The following CCNA1 variants were observed in gnomAD, a reference collection of about 807,000 sequenced individuals.
CCNA1 encodes the protein cyclin-A1.
Under a neutral mutation model 54.1 loss-of-function variants are expected in CCNA1, and 23 were observed. The ratio of observed to expected loss-of-function variants is 0.42; its 90% confidence interval spans 0.31 to 0.60. The LOEUF (loss-of-function observed/expected upper bound fraction) is 0.60. Ranked by LOEUF, CCNA1 falls within the 20% of genes least tolerant of loss-of-function variation. CCNA1 has a pLI of 0.14. For missense variants in CCNA1, 450 were observed against 556.7 expected (o/e 0.81, Z 1.93); for synonymous variants, 208 against 213.9 (o/e 0.97, Z 0.24).
At chr13:36,434,444 A>C (rs921696632) in intron 2 of CCNA1, among the ~76,000 whole-genome samples, 3 of 152,134 alleles carry the variant, frequency 2.0e-5, no homozygotes, top group South Asian at 2.1e-4. Flanking sequence ...GTTTTAACAA[A>C]TTTTAATTTG....
At chr13:36,432,877 C>T in intron 1 of CCNA1, 148 bp downstream of exon 1, 1 of 955,466 alleles carries the variant, frequency 1.0e-6, no homozygotes, top group Non-Finnish European at 1.6e-6. Context: ...TGTGCGGTCG[C>T]ACCTGCCCTT....
At chr13:36,440,374 T>C (rs2055861211) in intron 6 of CCNA1, among the ~76,000 whole-genome samples, 191 bp downstream of exon 6, 2 of 152,194 alleles carry the variant, frequency 1.3e-5, no homozygotes, top group Non-Finnish European at 2.9e-5. Flanking sequence ...CTATTGACTA[T>C]ATTTGGCAGG....
In CCNA1 at chr13:36,432,729, G is replaced by C. The variant is rs2055729764; in HGVS notation, c.108G>C (p.Gln36His). ...CGGGGCTCCCAGATTTCGTCTTCCA[G>C]GTAACGTGGGTTTAGTATCCCGACT... Residue 36 changes from glutamine to histidine, a missense_variant and splice_region_variant, in exon 1 of 9, where the codon CAG becomes CAC. By Grantham distance (24) the Gln-to-His change is conservative (BLOSUM62 0). Around this residue, in one of 6 missense-constraint regions of CCNA1, gnomAD observed 103 missense variants for 100.9 expected, o/e 1.02. Transcript: ENST00000255465. 6.3e-7 allele frequency: 1 copy of C among 1,590,360 alleles called. No individual in the cohort carries two copies. The highest frequency in any genetic ancestry group is 2.3e-5 in the East Asian group (1 of 44,432).
chr13:36,433,398 CTTTCTTTCTTTCTT>C (rs2055747834), intron 2 of CCNA1, among the ~76,000 whole-genome samples, 177 bp downstream of exon 2: 1 of 99,118 alleles, frequency 1.0e-5, no homozygotes. Flanking sequence ...TTCTTTCTTT[CTTTCTTTCTTTCTT>C]TCTTTCTTTC....
Position 36,432,707 on chromosome 13 carries a change from G to T in CCNA1, c.86G>T (p.Gly29Val). Residue 29 changes from glycine to valine, a missense_variant, in exon 1 of 9, where the codon GGG becomes GTG. This residue lies in a region of CCNA1 where 103 missense variants were observed against 100.9 expected (regional missense o/e 1.02). Transcript: ENST00000255465. ...GAGTATCTCAGCTGGGAAGGACCGG[G>T]GCTCCCAGATTTCGTCTTCCAGGTA... 1.2e-6 allele frequency: 2 copies of T among 1,611,712 alleles called. No homozygotes were observed. The highest frequency in any genetic ancestry group is 1.7e-6 in the Non-Finnish European group (2 of 1,178,354).
intron 2 of CCNA1, 105 bp downstream of exon 2, chr13:36,433,326 A>G (rs1246139426): frequency 2.5e-5 from 16 of 641,092 alleles, no homozygotes; most frequent in Admixed American, 1.7e-4. Flanking sequence ...CCCCCTGAGT[A>G]TTACAACCCT....
upstream of CCNA1, chr13:36,432,404 CGCCCGGCCCGGCCCGGCCCTGCCCA>C (rs2055721652): frequency 3.7e-6 from 1 of 267,328 alleles, no homozygotes. Context: ...CGCCCTGCCC[CGCCCGGCCCGGCCCGGCCCTGCCCA>C]ACCCTGCCCC....
chr13:36,438,665 C>T lies in CCNA1; in HGVS notation c.691C>T (p.His231Tyr), dbSNP rs2055837584. ...TCAGATAAGGCACAGACCCAAAGCA[C>T]ACTACATGAAGAAGCAGCCAGACAT... Residue 231 changes from histidine to tyrosine, a missense_variant, in exon 5 of 9, where the codon CAC becomes TAC. Around this residue, in one of 6 missense-constraint regions of CCNA1, gnomAD observed 150 missense variants for 219.7 expected, o/e 0.68. Transcript: ENST00000255465. 1 of 1,613,832 alleles carries T rather than the reference C, an allele frequency of 6.2e-7. No homozygotes were observed. Among genetic ancestry groups the T allele is most frequent in the Admixed American group, 1.7e-5 (1 of 59,996 alleles).
At chr13:36,437,258 T>C (rs2055815916) in intron 2 of CCNA1, among the ~76,000 whole-genome samples, 1 of 152,248 alleles carries the variant, frequency 6.6e-6, no homozygotes, top group Non-Finnish European at 1.5e-5. Context: ...TGCTGACTAC[T>C]TATAAAATCT....
At chr13:36,433,726 A>G (rs1593320402) in intron 2 of CCNA1, among the ~76,000 whole-genome samples, 1 of 151,650 alleles carries the variant, frequency 6.6e-6, no homozygotes, top group African/African-American at 2.4e-5. Flanking sequence ...TTTTTAGTAG[A>G]GATGGGATTT....
At chr13:36,431,841 C>G (rs1046863704), upstream of CCNA1, 3 of 152,670 alleles carry the variant, frequency 2.0e-5, no homozygotes, top group Admixed American at 1.3e-4. Context: ...CCGCAGCCTG[C>G]GCAGCCCCGA....
In CCNA1 at chr13:36,437,907, G is replaced by C. The variant is rs947317; in HGVS notation, c.544+32G>C. ...GACTTGCCTATGGTTGATGGCTGAT[G>C]GTACCCTGTATTTATAACTGCCTGC... is the stretch of plus-strand genomic sequence containing the variant. On this transcript the variant is annotated intron_variant, in intron 3 of 8. Transcript: ENST00000255465. 2,266 of 1,601,974 alleles carry C rather than the reference G, an allele frequency of 1.4e-3. 35 individuals are homozygous for C. The African/African-American group carries it at 0.024, about 17-fold the overall frequency.
At position 36,437,702 on chromosome 13, in the gene CCNA1, A is replaced by T; in HGVS notation, c.371A>T (p.Asp124Val). ...CCAGCTGGAAAGAAAGCACTCCCTG[A>T]CTGTGGGGTCCAAGAGCCCCCCAAG... The change falls in exon 3 of 9, where the codon GAC becomes GTC. Residue 124 changes from aspartate (D) to valine (V), a missense_variant. Asp to Val is a radical substitution (Grantham distance 152). Transcript: ENST00000255465. 1 of 1,614,068 alleles carries T rather than the reference A, an allele frequency of 6.2e-7. No individual in the cohort carries two copies. Among genetic ancestry groups the T allele is most frequent in the Non-Finnish European group, 8.5e-7 (1 of 1,179,940 alleles).
chr13:36,440,996 C>T (rs535922980), intron 6 of CCNA1, 122 bp from the exon 7 acceptor site: 2 of 539,276 alleles, frequency 3.7e-6, no homozygotes, highest in Non-Finnish European at 6.6e-6. Context: ...TTTTGAGCAT[C>T]TATTTTTGTA....
At position 36,432,696 on chromosome 13, in the gene CCNA1, G is replaced by A. The variant is rs760514627; in HGVS notation, c.75G>A (p.Trp25Ter). ...GCTGGGGAGAAGAGTATCTCAGCTGGGAAGGACCGGGGCTCCCAGATTTCG... is the reference window on the plus strand; with the variant it reads ...GCTGGGGAGAAGAGTATCTCAGCTGAGAAGGACCGGGGCTCCCAGATTTCG... Residue 25 changes from tryptophan to a stop codon, truncating the protein, a stop_gained, in exon 1 of 9, where the codon TGG (tryptophan) becomes TGA (stop). It introduces an in-frame stop codon into an upstream open reading frame of the 5' UTR. Coordinates refer to ENST00000255465, the MANE Select transcript of CCNA1 (RefSeq NM_003914.4). LOFTEE classifies it high-confidence loss of function. 1 of 1,612,814 alleles carries A rather than the reference G, an allele frequency of 6.2e-7. No homozygotes were observed. The highest frequency in any genetic ancestry group is 8.5e-7 in the Non-Finnish European group (1 of 1,179,292).
rs147313432 is a variant in CCNA1, at chr13:36,433,370, T to C, written c.297+149T>C. ...GACTACAGGAAAGTTGATTGATTTA[T>C]TTTCTTTCTTTCTTTCTTTCTTTCT... On this transcript the variant is annotated intron_variant, in intron 2 of 8. Coordinates refer to ENST00000255465, the MANE Select transcript of CCNA1 (RefSeq NM_003914.4). The C allele has an allele frequency of 3.1e-4, 100 of 317,586 alleles. 2 individuals are homozygous for C. Among genetic ancestry groups the C allele is most frequent in the African/African-American group, 1.6e-3 (60 of 37,104 alleles). 19.7% of individuals were successfully genotyped at this position (317,586 alleles called of 1,614,324 possible). A position where few individuals can be genotyped will look rare whatever the true frequency, so the allele number is the denominator to read the frequency against.
At chr13:36,434,613 A>G (rs1264655800) in intron 2 of CCNA1, among the ~76,000 whole-genome samples, 3 of 152,042 alleles carry the variant, frequency 2.0e-5, no homozygotes, top group Admixed American at 2.0e-4. Flanking sequence ...ATCCTCTACA[A>G]CCTGCTTAGA....
chr13:36,433,307 C>T (rs1291898605), intron 2 of CCNA1, 86 bp downstream of exon 2: 1 of 912,492 alleles, frequency 1.1e-6, no homozygotes, highest in Non-Finnish European at 1.6e-6. Flanking sequence ...TGCCCTTGTA[C>T]CTACAACTCC....
upstream of CCNA1, chr13:36,432,255 C>T (rs998486389): frequency 9.2e-6 from 2 of 217,778 alleles, no homozygotes; most frequent in East Asian, 1.2e-4. Context: ...CCGGGGGCGC[C>T]GCTGATTGGC....
Sources: allele counts gnomAD v4.1 joint callset (sites outside exome capture counted in the v4.1 genomes callset), GRCh38; gene constraint gnomAD v4.1.1; regional missense constraint gnomAD v4.1.1; transcripts MANE v1.5; gene names NCBI Gene and HGNC (gene_info 2026-07-23, HGNC 2026-07-21).